Variants in SEMA5B observed in about 807,000 individuals in gnomAD.
SEMA5B encodes the protein semaphorin-5B.
A neutral mutation model predicts 135.0 loss-of-function variants in SEMA5B; 66 were observed. The ratio of observed to expected loss-of-function variants is 0.49; its 90% CI spans 0.40 to 0.60. The LOEUF (loss-of-function observed/expected upper bound fraction) is 0.60, where lower values mean the gene tolerates loss of function less well. Among genes scored for constraint, SEMA5B ranks in the 20% least tolerant of loss-of-function variants. The probability of loss-of-function intolerance (pLI) is 0.00; values close to 1 mark genes in which losing one functional copy is unlikely to be tolerated. For synonymous variants in SEMA5B, 690 were observed against 639.5 expected (o/e 1.08, Z -1.19); for missense variants, 1,501 against 1,566.3 (o/e 0.96, Z 0.70).
intron 12 of SEMA5B, among the ~76,000 whole-genome samples, chr3:122,919,941 C>A (rs527845933): frequency 6.6e-6 from 1 of 152,122 alleles, no homozygotes; most frequent in African/African-American, 2.4e-5. Flanking sequence ...AGAATGTGAG[C>A]GCAGGCCTCC....
rs56870893 is a variant in SEMA5B at position 122,954,970 on chromosome 3, G to GT, written c.124+6169dup. Reference sequence around the variant, plus strand: ...ACCAGGCTGGGCAATTTTGTTTTTTGTTTTTTTTTTTTTGTAGAAACAGAG... The same window carrying GT: ...ACCAGGCTGGGCAATTTTGTTTTTTGTTTTTTTTTTTTTTGTAGAAACAGAG... On this transcript the variant is annotated intron_variant, in intron 2 of 22. Transcript: ENST00000357599. Among the ~76,000 whole-genome samples, 1,316 of 141,750 alleles carry GT rather than the reference G, an allele frequency of 9.3e-3. 7 individuals carry two copies. The highest frequency in any genetic ancestry group is 0.034 in the South Asian group (153 of 4,452). The allele number at this position is 141,750 out of a possible 152,430, so 93.0% of individuals were successfully genotyped here.
chr3:123,004,750 A>G (rs1339436828), intron 1 of SEMA5B, among the ~76,000 whole-genome samples: 1 of 152,184 alleles, frequency 6.6e-6, no homozygotes, highest in Non-Finnish European at 1.5e-5. Context: ...AATTGATTGC[A>G]CCTCATTTCC....
intron 1 of SEMA5B, among the ~76,000 whole-genome samples, chr3:122,966,039 A>G (rs934314942): frequency 5.3e-5 from 8 of 152,236 alleles, no homozygotes; most frequent in African/African-American, 1.9e-4. Flanking sequence ...GGGACCCTCC[A>G]GCAGCTAACT....
At chr3:122,911,818 G>A in intron 20 of SEMA5B, 102 bp downstream of exon 20, 4 of 1,371,998 alleles carry the variant, frequency 2.9e-6, no homozygotes, top group South Asian at 3.0e-5. Context: ...GTTTCATCCT[G>A]TGCCCCCTGC....
chr3:122,938,224 T>C (rs1939388012), intron 5 of SEMA5B, among the ~76,000 whole-genome samples: 1 of 152,202 alleles, frequency 6.6e-6, no homozygotes, highest in Non-Finnish European at 1.5e-5. Flanking sequence ...ACCTGGCCTT[T>C]AGTGGTTATT....
intron 14 of SEMA5B, 105 bp from the exon 15 acceptor site, chr3:122,914,106 C>G: frequency 7.9e-7 from 1 of 1,264,924 alleles, no homozygotes; most frequent in Non-Finnish European, 1.1e-6. Context: ...TCAGAAAGGG[C>G]TGGACAGTGA....
At chr3:122,985,746 AG>A (rs1452273402) in intron 1 of SEMA5B, among the ~76,000 whole-genome samples, 14 of 152,218 alleles carry the variant, frequency 9.2e-5, no homozygotes, top group Non-Finnish European at 1.5e-5. Flanking sequence ...GGATCTCCCA[AG>A]CAAATCCCAT....
At position 122,943,272 on chromosome 3, in the gene SEMA5B, C is replaced by T. The variant is rs553988641; in HGVS notation, c.428+164G>A. Among the ~76,000 whole-genome samples, 355 of 152,290 alleles carry T rather than the reference C, an allele frequency of 2.3e-3. 1 individual carries two copies. The highest frequency in any genetic ancestry group is 8.2e-3 in the African/African-American group (339 of 41,566). ...CCCCCACCCCCACCCAGCCGAAACA[C>T]GCTTCCTCCTGTGGGGGGACAGACA... On this transcript the variant is annotated intron_variant, in intron 4 of 22. Transcript: ENST00000357599.
At position 123,022,187 on chromosome 3, in the gene SEMA5B, C is replaced by A. The variant is rs375751901; in HGVS notation, c.-39+5277G>T. Among the ~76,000 whole-genome samples, 11 of 152,322 alleles carry A rather than the reference C, an allele frequency of 7.2e-5. 1 individual carries two copies. The highest frequency in any genetic ancestry group is 5.8e-4 in the East Asian group (3 of 5,188). On this transcript the variant is annotated intron_variant, in intron 1 of 22. Coordinates refer to ENST00000357599, the MANE Select transcript of SEMA5B (RefSeq NM_001031702.4). The stretch of plus-strand genomic sequence containing the variant: ...GGTGCTCAAGCAGAAAAGCCTCCCT[C>A]ATTTCTAACCCAGCCTCCCCACTCT...
In SEMA5B at chr3:123,021,273, CA is replaced by C. The variant is rs555129040; in HGVS notation, c.-39+6190del. On this transcript the variant is annotated intron_variant, in intron 1 of 22. Coordinates refer to ENST00000357599, the MANE Select transcript of SEMA5B (RefSeq NM_001031702.4). ...CAGAAATACACACCAACCAACAGGG[CA>C]ATGTGTAAACCTTAAAAGCAGTCTG... Among the ~76,000 whole-genome samples, 397 of 152,330 alleles carry C rather than the reference CA, an allele frequency of 2.6e-3. 4 individuals carry two copies. The highest frequency in any genetic ancestry group is 9.1e-3 in the African/African-American group (377 of 41,564).
intron 1 of SEMA5B, among the ~76,000 whole-genome samples, chr3:122,969,608 C>A (rs1941025827): frequency 6.6e-6 from 1 of 152,250 alleles, no homozygotes. Context: ...TGCTCCACCT[C>A]ATGGACATCA....
At chr3:123,024,390 G>A (rs1413382983) in intron 1 of SEMA5B, among the ~76,000 whole-genome samples, 2 of 152,168 alleles carry the variant, frequency 1.3e-5, no homozygotes, top group African/African-American at 4.8e-5. Flanking sequence ...TGAGCTTCTA[G>A]TCTTATCTCA....
rs1227429809 is a variant in SEMA5B at position 122,915,420 on chromosome 3, T to C, written c.1988+20A>G. ...ACCCTGGTCCAAGGCAGACACCATG[T>C]AAACCCTGTCCTCACATACCTGGAG... On this transcript the variant is annotated intron_variant, in intron 14 of 22. Coordinates refer to ENST00000357599, the MANE Select transcript of SEMA5B (RefSeq NM_001031702.4). 1 of 1,593,608 alleles carries C rather than the reference T, an allele frequency of 6.3e-7. No homozygotes were observed. Among genetic ancestry groups the C allele is most frequent in the African/African-American group, 1.3e-5 (1 of 74,566 alleles).
intron 1 of SEMA5B, among the ~76,000 whole-genome samples, chr3:123,014,124 T>C (rs975355246): frequency 3.3e-5 from 5 of 152,188 alleles, no homozygotes. Flanking sequence ...CCTGATCTCA[T>C]GGGAATCCTG....
intron 8 of SEMA5B, among the ~76,000 whole-genome samples, 175 bp from the exon 9 acceptor site, chr3:122,926,852 G>A (rs1938662220): frequency 6.6e-6 from 1 of 152,148 alleles, no homozygotes; most frequent in African/African-American, 2.4e-5. Flanking sequence ...CAATACCAAG[G>A]GCAGCTGTAA....
chr3:122,970,087 C>G (rs1439599149), intron 1 of SEMA5B, among the ~76,000 whole-genome samples: 1 of 152,136 alleles, frequency 6.6e-6, no homozygotes, highest in Non-Finnish European at 1.5e-5. Flanking sequence ...CCACACTTGC[C>G]CCTGACCTAG....
At chr3:122,937,641 C>A (rs890251080) in intron 5 of SEMA5B, among the ~76,000 whole-genome samples, 1 of 152,130 alleles carries the variant, frequency 6.6e-6, no homozygotes, top group Non-Finnish European at 1.5e-5. Flanking sequence ...GGAGCTGAGA[C>A]CCTGCTCCAA....
intron 1 of SEMA5B, among the ~76,000 whole-genome samples, chr3:123,014,535 C>T (rs1942508655): frequency 1.3e-5 from 2 of 152,220 alleles, no homozygotes; most frequent in Non-Finnish European, 2.9e-5. Context: ...AGTTGTACCC[C>T]AAGGGGGCTT....
chr3:122,935,297 C>T (rs1046431705), intron 5 of SEMA5B, among the ~76,000 whole-genome samples: 22 of 152,090 alleles, frequency 1.4e-4, no homozygotes, highest in Non-Finnish European at 7.4e-5. Context: ...CCCTTAGTCT[C>T]CTGCCTGGAA....
Sources: gnomAD v4.1 joint callset for allele counts (sites outside exome capture counted in the v4.1 genomes callset) on GRCh38, gnomAD v4.1.1 for gene constraint, MANE v1.5 for transcripts, NCBI Gene and HGNC (gene_info 2026-07-23, HGNC 2026-07-21) for gene names.